Variants in RBM27 observed in about 807,000 individuals in gnomAD.
RBM27 encodes the protein RNA binding motif protein 27, also known as RNA-binding protein 27.
Under a neutral mutation model 135.3 loss-of-function variants are expected in RBM27, and 22 were observed. The observed-to-expected ratio is 0.16, with a 90% CI of 0.12 to 0.23. The LOEUF (loss-of-function observed/expected upper bound fraction) is 0.23, where lower values mean the gene tolerates loss of function less well. Among genes scored for constraint, RBM27 ranks in the 10% least tolerant of loss-of-function variants. RBM27 has a pLI of 1.00. For missense variants in RBM27, 1,009 were observed against 1,281.0 expected (o/e 0.79, Z 3.24); for synonymous variants, 481 against 442.4 (o/e 1.09, Z -1.10).
In RBM27 at chr5:146,230,645, G is replaced by T. The variant is rs1279505879; in HGVS notation, c.590-12G>T. 6 of 1,606,484 alleles carry T rather than the reference G, an allele frequency of 3.7e-6. 1 individual carries two copies. In the Admixed American group the frequency reaches 1.0e-4, roughly 27 times the overall value. ...CTCTTTGTTTTCTGTTTTTAATTTT[G>T]TCTCCAAGTAGAGCACAGGGAAAGA... On this transcript the variant is annotated splice_polypyrimidine_tract_variant and intron_variant, in intron 5 of 20. Transcript: ENST00000265271.
At chr5:146,218,354 T>G (rs1270151489) in intron 1 of RBM27, among the ~76,000 whole-genome samples, 1 of 152,228 alleles carries the variant, frequency 6.6e-6, no homozygotes, top group African/African-American at 2.4e-5. Flanking sequence ...TCTGCTGTCC[T>G]TTCACCACTT....
At chr5:146,232,950 A>G (rs988149322) in intron 6 of RBM27, among the ~76,000 whole-genome samples, 3 of 152,102 alleles carry the variant, frequency 2.0e-5, no homozygotes, top group African/African-American at 7.2e-5. Context: ...TTATTTTTCT[A>G]CTATGTACAG....
chr5:146,265,529 G>A (rs1758575978), intron 14 of RBM27, among the ~76,000 whole-genome samples: 1 of 152,134 alleles, frequency 6.6e-6, no homozygotes, highest in Non-Finnish European at 1.5e-5. Context: ...TTGGAACCAT[G>A]TAAATAAATT....
intron 5 of RBM27, among the ~76,000 whole-genome samples, chr5:146,230,199 T>C (rs1756869503): frequency 6.6e-6 from 1 of 152,198 alleles, no homozygotes; most frequent in Non-Finnish European, 1.5e-5. Context: ...AATAAAGCTA[T>C]CACGTGAGGA....
chr5:146,248,954 C>G (rs1432218775), intron 8 of RBM27, among the ~76,000 whole-genome samples: 1 of 152,030 alleles, frequency 6.6e-6, no homozygotes, highest in African/African-American at 2.4e-5. Context: ...TCCCATTTTT[C>G]TATATATGTA....
intron 15 of RBM27, among the ~76,000 whole-genome samples, chr5:146,267,978 C>G (rs931618793): frequency 6.6e-6 from 1 of 151,904 alleles, no homozygotes; most frequent in African/African-American, 2.4e-5. Context: ...TTTTGATACA[C>G]TATTATTCCC....
chr5:146,228,705 G>C (rs1756792241), intron 3 of RBM27, among the ~76,000 whole-genome samples: 1 of 151,984 alleles, frequency 6.6e-6, no homozygotes, highest in Non-Finnish European at 1.5e-5. Flanking sequence ...GGTTCAAGCA[G>C]TCCTCCCATA....
intron 15 of RBM27, among the ~76,000 whole-genome samples, 162 bp downstream of exon 15, chr5:146,267,930 A>T (rs1758688007): frequency 2.0e-5 from 3 of 152,160 alleles, no homozygotes; most frequent in South Asian, 4.1e-4. Flanking sequence ...AGGTGGACAT[A>T]CAGAAAAAAT....
chr5:146,216,251 G>C (rs1325071427), intron 1 of RBM27, among the ~76,000 whole-genome samples: 1 of 152,018 alleles, frequency 6.6e-6, no homozygotes, highest in Non-Finnish European at 1.5e-5. Flanking sequence ...TTTTCACCAT[G>C]GTCTAAAACT....
At chr5:146,256,349 T>TTA (rs1451792721) in intron 10 of RBM27, among the ~76,000 whole-genome samples, 6 of 146,502 alleles carry the variant, frequency 4.1e-5, no homozygotes, top group African/African-American at 7.5e-5. Context: ...TATATATTAT[T>TTA]TATATATATA....
Position 146,223,385 on chromosome 5 carries a change from G to A in RBM27, c.179-18G>A, listed in dbSNP as rs1756538903. The A allele has an allele frequency of 1.3e-6, 2 of 1,570,526 alleles. No homozygotes were observed. The highest frequency in any genetic ancestry group is 2.1e-5 in the Admixed American group (1 of 47,132). On this transcript the variant is annotated intron_variant, in intron 2 of 20. Transcript: ENST00000265271. ...TTTTTTGTTTGCGCAATATGTAAAT[G>A]TTATTTCTTCTCCTTAGAAACTTCA...
At position 146,267,770 on chromosome 5, in the gene RBM27, TA is replaced by T; in HGVS notation, c.2451+4del. The T allele has an allele frequency of 6.3e-7, 1 of 1,599,600 alleles. No homozygotes were observed. Among genetic ancestry groups the T allele is most frequent in the South Asian group, 1.2e-5 (1 of 86,928 alleles). ...CAAGAAGTGCTTAAAAAAAAACAGGTAACAGTCTTGATTCTTCTTGCCTTAC... is the reference window on the plus strand; with the variant it reads ...CAAGAAGTGCTTAAAAAAAAACAGGTACAGTCTTGATTCTTCTTGCCTTAC... On this transcript the variant is annotated splice_donor_region_variant and intron_variant, in intron 15 of 20. Coordinates refer to ENST00000265271, the MANE Select transcript of RBM27 (RefSeq NM_018989.2).
At chr5:146,233,250 C>G (rs1471877195) in intron 6 of RBM27, among the ~76,000 whole-genome samples, 200 bp from the exon 7 acceptor site, 2 of 152,224 alleles carry the variant, frequency 1.3e-5, no homozygotes, top group East Asian at 3.9e-4. Context: ...GTCATAGTAT[C>G]ATAGTGTAAA....
In RBM27 at chr5:146,288,698, C is replaced by T. The variant is rs1359387937; in HGVS notation, c.*2668C>T. The T allele has an allele frequency of 1.3e-5, 2 of 152,042 alleles. No individual in the cohort carries two copies. The highest frequency in any genetic ancestry group is 2.9e-5 in the Non-Finnish European group (2 of 67,940). The allele number at this position is 152,042 out of a possible 1,614,324, so 9.4% of individuals were successfully genotyped here. ...TAAGTAGCTGATCAGCAATAATAGC[C>T]ACCAGTTGACTAGGTCAGCCTGATA... On this transcript the variant is annotated 3_prime_UTR_variant, in exon 21 of 21. Coordinates refer to ENST00000265271, the MANE Select transcript of RBM27 (RefSeq NM_018989.2).
Position 146,261,492 on chromosome 5 carries a change from T to C in RBM27, c.1894-18T>C. 1 of 1,593,056 alleles carries C rather than the reference T, an allele frequency of 6.3e-7. No individual in the cohort carries two copies. The highest frequency in any genetic ancestry group is 8.6e-7 in the Non-Finnish European group (1 of 1,163,534). On this transcript the variant is annotated intron_variant, in intron 12 of 20. Coordinates refer to ENST00000265271, the MANE Select transcript of RBM27 (RefSeq NM_018989.2). ...ATTTTCTGTTTTTGGGAATTTATAT[T>C]GTTTTATTTTCTTCAAGGTTGCTTT...
intron 11 of RBM27, among the ~76,000 whole-genome samples, chr5:146,260,513 T>G (rs552282942): frequency 6.6e-6 from 1 of 152,320 alleles, no homozygotes; most frequent in Non-Finnish European, 1.5e-5. Context: ...CATGAGCTAC[T>G]TCGCTCAGCC....
chr5:146,271,080 C>T (rs371521479), intron 18 of RBM27, 22 bp downstream of exon 18: 14 of 1,553,470 alleles, frequency 9.0e-6, no homozygotes, highest in Middle Eastern at 3.3e-4. Context: ...AAGGAGTTAG[C>T]GCCCCACCAC....
At chr5:146,219,178 A>G (rs947082668) in intron 2 of RBM27, 75 bp downstream of exon 2, 6 of 1,048,768 alleles carry the variant, frequency 5.7e-6, no homozygotes, top group Non-Finnish European at 8.4e-6. Flanking sequence ...AGTCTTGGAG[A>G]TATAAGCTTG....
chr5:146,212,522 T>A (rs879562866), intron 1 of RBM27, among the ~76,000 whole-genome samples: 2 of 151,892 alleles, frequency 1.3e-5, no homozygotes, highest in Admixed American at 1.3e-4. Context: ...CTAATTTTTT[T>A]ATTTTATTTT....
Sources: gnomAD v4.1 joint callset for allele counts (sites outside exome capture counted in the v4.1 genomes callset) on GRCh38, gnomAD v4.1.1 for gene constraint, MANE v1.5 for transcripts, NCBI Gene and HGNC (gene_info 2026-07-23, HGNC 2026-07-21) for gene names.